The following SORT1 variants were observed in gnomAD, a reference collection of about 807,000 sequenced individuals.
SORT1 encodes the protein sortilin.
A neutral mutation model predicts 101.7 loss-of-function variants in SORT1; 39 were observed. That is an observed-to-expected ratio of 0.38 (90% CI 0.30 to 0.50). The LOEUF (loss-of-function observed/expected upper bound fraction) is 0.50, where lower values mean the gene tolerates loss of function less well. Among genes scored for constraint, SORT1 ranks in the 20% least tolerant of loss-of-function variants. The pLI, the probability that SORT1 is intolerant of heterozygous loss-of-function variation, is 0.90. For synonymous variants in SORT1, 396 were observed against 393.7 expected, an observed-to-expected ratio of 1.01 and a Z score of -0.07; for missense variants, 878 against 1,040.4, an observed-to-expected ratio of 0.84 and a Z score of 2.15.
Position 109,309,657 on chromosome 1 carries a change from A to G in SORT1, c.*4386T>C, listed in dbSNP as rs1658601787. On this transcript the variant is annotated 3_prime_UTR_variant, in exon 20 of 20. Coordinates refer to ENST00000256637, the MANE Select transcript of SORT1 (RefSeq NM_002959.7). ...AAATTACCAGTACAAAGTTAAACAC[A>G]TTCAGATTTATTTACACAATGCTAA... The G allele has an allele frequency of 6.6e-6, 1 of 152,236 alleles. No individual in the cohort carries two copies. The highest frequency in any genetic ancestry group is 6.5e-5 in the Admixed American group (1 of 15,286). 9.4% of individuals were successfully genotyped at this position (152,236 alleles called of 1,614,324 possible). A position where few individuals can be genotyped will look rare whatever the true frequency, so the allele number is the denominator to read the frequency against.
chr1:109,352,681 T>C (rs754797211), intron 5 of SORT1, among the ~76,000 whole-genome samples: 12 of 152,212 alleles, frequency 7.9e-5, no homozygotes, highest in Non-Finnish European at 1.6e-4. Flanking sequence ...ATTCTACTTA[T>C]AAAGACAAGG....
rs577626774 is a variant in SORT1 at position 109,342,090 on chromosome 1, G to A, written c.1032C>T (p.Ser344=). ...GDTWSMAQLP[S]VGQEQFYSIL... Reference sequence around the variant, plus strand: ...TAGAATAGAACTGTTCCTGTCCCACGGAGGGGAGCTGGGCCATGCTCCATG... The same window carrying A: ...TAGAATAGAACTGTTCCTGTCCCACAGAGGGGAGCTGGGCCATGCTCCATG... The change falls in exon 9 of 20, where the codon TCC becomes TCT. Residue 344 remains serine (S), a synonymous_variant. Coordinates refer to ENST00000256637, the MANE Select transcript of SORT1 (RefSeq NM_002959.7). 1.7e-5 allele frequency: 27 copies of A among 1,613,110 alleles called. 1 individual carries two copies. Among genetic ancestry groups the A allele is most frequent in the South Asian group, 7.7e-5 (7 of 91,060 alleles).
chr1:109,348,187 G>A (rs1051813327), intron 6 of SORT1, among the ~76,000 whole-genome samples: 1 of 152,154 alleles, frequency 6.6e-6, no homozygotes, highest in African/African-American at 2.4e-5. Flanking sequence ...CTAGGTCGGA[G>A]GTTGAATTAT....
chr1:109,327,496 T>C lies in SORT1; in HGVS notation c.1474+3A>G. On this transcript the variant is annotated splice_donor_region_variant and intron_variant, in intron 12 of 19. Transcript: ENST00000256637. ...TGGAGGTGGTGAGTGGGAGGTTCCT[T>C]ACCATGAGCAATGACAATGCCTACG... 6.3e-7 allele frequency: 1 copy of C among 1,585,850 alleles called. No homozygotes were observed. The highest frequency in any genetic ancestry group is 8.6e-7 in the Non-Finnish European group (1 of 1,161,164).
At chr1:109,373,442 G>A (rs555013104) in intron 1 of SORT1, among the ~76,000 whole-genome samples, 134 of 152,304 alleles carry the variant, frequency 8.8e-4, no homozygotes, top group African/African-American at 3.1e-3. Context: ...CGCATGTGAG[G>A]AAACTACCTG....
intron 11 of SORT1, among the ~76,000 whole-genome samples, chr1:109,331,140 C>T (rs1648430042): frequency 6.6e-6 from 1 of 152,072 alleles, no homozygotes; most frequent in Non-Finnish European, 1.5e-5. Flanking sequence ...TACCCTGCTA[C>T]CAAAACCAGA....
rs1658693798 is a variant in SORT1, at chr1:109,310,973, A to G, written c.*3070T>C. 6.6e-6 allele frequency: 1 copy of G among 152,220 alleles called. No homozygotes were observed. The highest frequency in any genetic ancestry group is 6.5e-5 in the Admixed American group (1 of 15,282). 9.4% of individuals were successfully genotyped at this position (152,220 alleles called of 1,614,324 possible). A position where few individuals can be genotyped will look rare whatever the true frequency, so the allele number is the denominator to read the frequency against. ...CCAGAGGCAAGCATCAGAGCAAGAG[A>G]GAGGAGGTGGGAAGTCCATTCAGAG... On this transcript the variant is annotated 3_prime_UTR_variant, in exon 20 of 20. Coordinates refer to ENST00000256637, the MANE Select transcript of SORT1 (RefSeq NM_002959.7).
chr1:109,382,469 G>C (rs1416104347), intron 1 of SORT1, among the ~76,000 whole-genome samples: 1 of 152,126 alleles, frequency 6.6e-6, no homozygotes, highest in Admixed American at 6.5e-5. Context: ...TATTACACTA[G>C]TTAACAGATA....
intron 1 of SORT1, among the ~76,000 whole-genome samples, chr1:109,396,534 G>C (rs1018883234): frequency 3.3e-5 from 5 of 152,104 alleles, no homozygotes; most frequent in Admixed American, 6.5e-5. Context: ...TTTGTGTCTT[G>C]TGTCCTCAGA....
At chr1:109,349,043 GTTATC>G (rs1333733007) in intron 6 of SORT1, among the ~76,000 whole-genome samples, 1 of 152,110 alleles carries the variant, frequency 6.6e-6, no homozygotes, top group East Asian at 1.9e-4. Context: ...ATTTAACTTA[GTTATC>G]TTAAAAATTA....
intron 1 of SORT1, among the ~76,000 whole-genome samples, chr1:109,370,766 ACTT>A (rs1651440233): frequency 6.6e-6 from 1 of 152,106 alleles, no homozygotes; most frequent in South Asian, 2.1e-4. Flanking sequence ...GTAACTTTAT[ACTT>A]CTTGGTACTC....
chr1:109,382,027 A>C (rs183308008), intron 1 of SORT1, among the ~76,000 whole-genome samples: 1 of 152,294 alleles, frequency 6.6e-6, no homozygotes, highest in East Asian at 1.9e-4. Context: ...AAATCATTTT[A>C]AAAATAAAAC....
rs549088536 is a variant in SORT1, at chr1:109,394,640, G to T, written c.306+2947C>A. Among the ~76,000 whole-genome samples the T allele has an allele frequency of 1.2e-4, 19 of 152,316 alleles. No individual in the cohort carries two copies. The East Asian group carries it at 2.3e-3, about 19-fold the overall frequency. On this transcript the variant is annotated intron_variant, in intron 1 of 19. Transcript: ENST00000256637. ...GCCACAGACACAGGTCTAGTAGTTT[G>T]CTATAACCTTCTGAGGCTTTTCATT...
chr1:109,336,305 T>C lies in SORT1; in HGVS notation c.1306A>G (p.Arg436Gly). 2 of 1,613,432 alleles carry C rather than the reference T, an allele frequency of 1.2e-6. No homozygotes were observed. The highest frequency in any genetic ancestry group is 1.7e-6 in the Non-Finnish European group (2 of 1,179,320). ...QTMITFDQGG[R>G]WTHLRKPENS... is the part of the protein sequence containing the mutation. Reference sequence around the variant, plus strand: ...TCAGGCTTCCTCAGGTGCGTCCACCTTCCTCCTTGGTCAAAAGTGATCATG... The same window carrying C: ...TCAGGCTTCCTCAGGTGCGTCCACCCTCCTCCTTGGTCAAAAGTGATCATG... Residue 436 changes from arginine to glycine, a missense_variant, in exon 11 of 20, where the codon AGG (arginine) becomes GGG (glycine). This residue lies in a region of SORT1 where 684 missense variants were observed against 894.5 expected (regional missense o/e 0.76). Coordinates refer to ENST00000256637, the MANE Select transcript of SORT1 (RefSeq NM_002959.7).
chr1:109,360,897 G>A (rs776426772), intron 3 of SORT1, among the ~76,000 whole-genome samples: 2 of 152,152 alleles, frequency 1.3e-5, no homozygotes, highest in African/African-American at 2.4e-5. Context: ...TTACACATAC[G>A]CAACTGAATA....
At chr1:109,330,529 A>G (rs1316930564) in intron 11 of SORT1, among the ~76,000 whole-genome samples, 1 of 152,204 alleles carries the variant, frequency 6.6e-6, no homozygotes, top group African/African-American at 2.4e-5. Context: ...ACATTAAGAA[A>G]AAAGAAAAAT....
intron 10 of SORT1, among the ~76,000 whole-genome samples, chr1:109,340,269 T>G (rs1361689480): frequency 6.6e-6 from 1 of 152,084 alleles, no homozygotes; most frequent in Non-Finnish European, 1.5e-5. Context: ...TGGCTGAACT[T>G]TGAAACAATA....
At chr1:109,395,913 A>AG (rs1174823139) in intron 1 of SORT1, among the ~76,000 whole-genome samples, 2 of 152,018 alleles carry the variant, frequency 1.3e-5, no homozygotes, top group Non-Finnish European at 2.9e-5. Context: ...TGTTTCTTAA[A>AG]AAAAGAAAGA....
chr1:109,330,745 A>G (rs4970840), intron 11 of SORT1, among the ~76,000 whole-genome samples: 106,050 of 151,740 alleles, frequency 0.7, 37,611 homozygotes, highest in East Asian at 0.96. Flanking sequence ...GAAAAAAAGA[A>G]AAGACTCAAG....
Sources: allele counts gnomAD v4.1 joint callset (sites outside exome capture counted in the v4.1 genomes callset), GRCh38; gene constraint gnomAD v4.1.1; regional missense constraint gnomAD v4.1.1; transcripts MANE v1.5; gene names NCBI Gene and HGNC (gene_info 2026-07-23, HGNC 2026-07-21).